The following TVP23A variants were observed in gnomAD, a reference collection of about 807,000 sequenced individuals.
TVP23A encodes the protein Golgi apparatus membrane protein TVP23 homolog A.
In TVP23A, 21 loss-of-function variants were observed where a neutral mutation model predicts 31.7. The observed-to-expected ratio is 0.66, with a 90% CI of 0.47 to 0.95. The LOEUF (loss-of-function observed/expected upper bound fraction) is 0.95. Among genes scored for constraint, TVP23A ranks in the 40% least tolerant of loss-of-function variants. The pLI, the probability that TVP23A is intolerant of heterozygous loss-of-function variation, is 0.00. For synonymous variants in TVP23A, 104 were observed against 96.0 expected, an observed-to-expected ratio of 1.08 and a Z score of -0.49; for missense variants, 279 against 255.6, an observed-to-expected ratio of 1.09 and a Z score of -0.62.
At chr16:10,807,935 A>T (rs1423043104) in intron 2 of TVP23A, among the ~76,000 whole-genome samples, 1 of 151,976 alleles carries the variant, frequency 6.6e-6, no homozygotes, top group Non-Finnish European at 1.5e-5. Flanking sequence ...CTGGACTCGA[A>T]CTCCTGGACT....
At chr16:10,778,794 T>C (rs748541615) in intron 2 of TVP23A, among the ~76,000 whole-genome samples, 1 of 152,054 alleles carries the variant, frequency 6.6e-6, no homozygotes, top group Non-Finnish European at 1.5e-5. Flanking sequence ...GGTGAAACCC[T>C]ATCTCTACTA....
At chr16:10,802,433 T>A (rs1010556181) in intron 2 of TVP23A, among the ~76,000 whole-genome samples, 1 of 151,826 alleles carries the variant, frequency 6.6e-6, no homozygotes, top group African/African-American at 2.4e-5. Context: ...GCATGTGCCA[T>A]CATGCCAGGC....
At position 10,774,205 on chromosome 16, in the gene TVP23A, C is replaced by T. The variant is rs1461684719; in HGVS notation, c.235-77G>A. ...TTCACTGTATTGATAAACAAAAGTTCCTTGATTCATTTCAGACTTGTACTG... is the reference window on the plus strand; with the variant it reads ...TTCACTGTATTGATAAACAAAAGTTTCTTGATTCATTTCAGACTTGTACTG... On this transcript the variant is annotated intron_variant, in intron 3 of 7. Coordinates refer to ENST00000299866, the MANE Select transcript of TVP23A (RefSeq NM_001079512.4). 6 of 1,118,172 alleles carry T rather than the reference C, an allele frequency of 5.4e-6. No individual in the cohort carries two copies. In the African/African-American group the frequency reaches 6.3e-5, roughly 12 times the overall value. The allele number at this position is 1,118,172 out of a possible 1,614,324, so 69.3% of individuals were successfully genotyped here.
chr16:10,812,718 G>C (rs140360159), intron 2 of TVP23A, among the ~76,000 whole-genome samples: 4 of 152,258 alleles, frequency 2.6e-5, no homozygotes, highest in Non-Finnish European at 5.9e-5. Context: ...AGACAGAAAG[G>C]AGAATGGTAT....
chr16:10,815,739 T>C (rs2143009767), intron 2 of TVP23A, among the ~76,000 whole-genome samples: 1 of 152,314 alleles, frequency 6.6e-6, no homozygotes, highest in East Asian at 1.9e-4. Context: ...GAACACTGCA[T>C]TTCCCCAGCC....
downstream of TVP23A, among the ~76,000 whole-genome samples, chr16:10,764,187 C>T (rs563696710): frequency 6.6e-6 from 1 of 151,976 alleles, no homozygotes; most frequent in South Asian, 2.1e-4. Context: ...CGGGAGCATC[C>T]CAGCCCGAAG....
downstream of TVP23A, among the ~76,000 whole-genome samples, chr16:10,762,802 GGGGGCCGCGTGCTTGGGGAGAGGGC>G (rs1365956665): frequency 6.6e-6 from 1 of 152,142 alleles, no homozygotes; most frequent in Non-Finnish European, 1.5e-5. Flanking sequence ...AGGAGAGGGT[GGGGGCCGCGTGCTTGGGGAGAGGGC>G]GGGGCCCGTG....
rs1056752200 is a variant in TVP23A at position 10,777,002 on chromosome 16, G to A, written c.90-1906C>T. ...GCAAGGTCTTTATGACCTGTATCCTGTGCGACCTCCTATCTCATCCTGTGA... is the reference window on the plus strand; with the variant it reads ...GCAAGGTCTTTATGACCTGTATCCTATGCGACCTCCTATCTCATCCTGTGA... On this transcript the variant is annotated intron_variant, in intron 2 of 7. Coordinates refer to ENST00000299866, the MANE Select transcript of TVP23A (RefSeq NM_001079512.4). This position sits in a 1 kb window ranked among gnomAD's most constrained non-coding sequence, Gnocchi z 4.5. 6.6e-6 allele frequency among the ~76,000 whole-genome samples: 1 copy of A among 152,128 alleles called. No homozygotes were observed. The highest frequency in any genetic ancestry group is 2.1e-4 in the South Asian group (1 of 4,814).
chr16:10,810,124 A>G (rs962057792), intron 2 of TVP23A, among the ~76,000 whole-genome samples: 2 of 152,226 alleles, frequency 1.3e-5, no homozygotes, highest in African/African-American at 4.8e-5. Flanking sequence ...GAAAGAAGCC[A>G]GACAAAAAGC....
intron 2 of TVP23A, among the ~76,000 whole-genome samples, chr16:10,807,610 C>T (rs548195286): frequency 8.5e-5 from 13 of 152,160 alleles, no homozygotes; most frequent in Admixed American, 3.3e-4. Context: ...TCCTATGATA[C>T]ATAGGACAGC....
At chr16:10,781,369 C>G (rs3893293) in intron 2 of TVP23A, among the ~76,000 whole-genome samples, 3,952 of 151,690 alleles carry the variant, frequency 0.026, 161 homozygotes, top group African/African-American at 0.084. Flanking sequence ...GAAAATGACA[C>G]AGTGATGAAA....
rs1555484877 is a variant in TVP23A, at chr16:10,798,256, C to CA, written c.89+19846_89+19847insT. ...TTACAGGTGTGCGCCCGCGCCCGGC[C>CA]TTTTTTTTCTTTTTTTAAGTAATCA... On this transcript the variant is annotated intron_variant, in intron 2 of 7. Transcript: ENST00000299866. Among the ~76,000 whole-genome samples, 579 of 151,808 alleles carry CA rather than the reference C, an allele frequency of 3.8e-3. 2 individuals carry two copies. Among genetic ancestry groups the CA allele is most frequent in the African/African-American group, 0.013 (554 of 41,412 alleles).
intron 2 of TVP23A, among the ~76,000 whole-genome samples, chr16:10,778,069 C>G (rs527809401): frequency 3.9e-5 from 6 of 152,082 alleles, no homozygotes; most frequent in African/African-American, 7.2e-5. Context: ...TGTGGTGGCT[C>G]ACACCTGTAA....
chr16:10,776,175 G>C (rs2032006771), intron 2 of TVP23A, among the ~76,000 whole-genome samples: 1 of 150,858 alleles, frequency 6.6e-6, no homozygotes, highest in South Asian at 2.2e-4. Flanking sequence ...AGGAGTTCAA[G>C]ACCAGCCTGG....
At chr16:10,793,718 G>C (rs1397181146) in intron 2 of TVP23A, among the ~76,000 whole-genome samples, 1 of 151,314 alleles carries the variant, frequency 6.6e-6, no homozygotes, top group Non-Finnish European at 1.5e-5. Flanking sequence ...AACATAGGGA[G>C]ACCCTGTCTC....
rs968614340 is a variant in TVP23A, at chr16:10,777,403, GTGGGCTT to G, written c.90-2314_90-2308del. Among the ~76,000 whole-genome samples, 1 of 152,110 alleles carries G rather than the reference GTGGGCTT, an allele frequency of 6.6e-6. No individual in the cohort carries two copies. Among genetic ancestry groups the G allele is most frequent in the Admixed American group, 6.6e-5 (1 of 15,258 alleles). On this transcript the variant is annotated intron_variant, in intron 2 of 7. Transcript: ENST00000299866. This position sits in a 1 kb window ranked among gnomAD's most constrained non-coding sequence, Gnocchi z 4.5. Reference sequence around the variant, plus strand: ...CCTCTGGATTAGGTTACAAAATGTTGTGGGCTTTGGAAAATGCGGGGCCGAATGGGGT... The same window carrying G: ...CCTCTGGATTAGGTTACAAAATGTTGTGGAAAATGCGGGGCCGAATGGGGT...
At chr16:10,758,782 A>G (rs1349758008), downstream of TVP23A, among the ~76,000 whole-genome samples, 1 of 152,128 alleles carries the variant, frequency 6.6e-6, no homozygotes, top group Non-Finnish European at 1.5e-5. Context: ...GCAGATAGGG[A>G]TTTCGGGATA....
intron 2 of TVP23A, among the ~76,000 whole-genome samples, chr16:10,784,998 G>T (rs1293682022): frequency 1.3e-5 from 2 of 151,916 alleles, no homozygotes; most frequent in Admixed American, 1.3e-4. Context: ...CTGGGAAACT[G>T]AGGCAGGAGA....
At chr16:10,778,102 G>C (rs550834223) in intron 2 of TVP23A, among the ~76,000 whole-genome samples, 10 of 152,258 alleles carry the variant, frequency 6.6e-5, no homozygotes, top group Non-Finnish European at 1.2e-4. Flanking sequence ...GGGAGGCCGA[G>C]GCAGGCAGAT....
Sources: gnomAD v4.1 joint callset for allele counts (sites outside exome capture counted in the v4.1 genomes callset) on GRCh38, gnomAD v4.1.1 for gene constraint, Gnocchi (gnomAD v3.1) non-coding constraint, MANE v1.5 for transcripts, NCBI Gene and HGNC (gene_info 2026-07-23, HGNC 2026-07-21) for gene names.